Variants in PCDH15 observed in about 807,000 individuals in gnomAD.
PCDH15 encodes protocadherin-15.
PCDH15 carries 129 observed loss-of-function variants against 178.5 expected under a neutral mutation model. The ratio of observed to expected loss-of-function variants is 0.72; its 90% CI spans 0.63 to 0.84. PCDH15 has a LOEUF of 0.84. PCDH15 is among the 40% of genes least tolerant of loss of function. The probability of loss-of-function intolerance (pLI) is 0.00; values close to 1 mark genes in which losing one functional copy is unlikely to be tolerated. For missense variants in PCDH15, 2,230 were observed against 2,099.9 expected (o/e 1.06, Z -1.21); for synonymous variants, 800 against 732.0 (o/e 1.09, Z -1.50).
intron 5 of PCDH15, among the ~76,000 whole-genome samples, chr10:54,351,790 A>C (rs944031845): frequency 2.6e-5 from 4 of 152,196 alleles, no homozygotes; most frequent in African/African-American, 9.7e-5. Context: ...AAAAATATGT[A>C]GATTTCACTG....
chr10:54,597,220 CA>C (rs1228558901), intron 2 of PCDH15, among the ~76,000 whole-genome samples: 1 of 151,952 alleles, frequency 6.6e-6, no homozygotes, highest in African/African-American at 2.4e-5. Flanking sequence ...TCAGCAAATG[CA>C]AAAGAAACGA....
chr10:55,114,001 T>C (rs1459594053), intron 2 of PCDH15, among the ~76,000 whole-genome samples: 3 of 152,170 alleles, frequency 2.0e-5, no homozygotes, highest in Non-Finnish European at 4.4e-5. Flanking sequence ...CAGGCTGGAG[T>C]GCAGTGGCAC....
At chr10:55,161,028 T>G (rs1839051105) in intron 2 of PCDH15, among the ~76,000 whole-genome samples, 1 of 152,140 alleles carries the variant, frequency 6.6e-6, no homozygotes, top group Admixed American at 6.6e-5. Context: ...GTAGACACAT[T>G]CCTTGTCATT....
intron 2 of PCDH15, among the ~76,000 whole-genome samples, chr10:54,926,469 G>A (rs1837629996): frequency 6.6e-6 from 1 of 151,934 alleles, no homozygotes; most frequent in Non-Finnish European, 1.5e-5. Flanking sequence ...GGCTTCATTG[G>A]ATGAATTGGG....
chr10:54,412,202 A>T (rs116352767), intron 3 of PCDH15, among the ~76,000 whole-genome samples: 1,573 of 150,930 alleles, frequency 0.01, 30 homozygotes, highest in African/African-American at 0.034. Flanking sequence ...TGATAAAATT[A>T]AAAAATAAAT....
At chr10:54,635,496 T>C (rs1397802101) in intron 2 of PCDH15, among the ~76,000 whole-genome samples, 3 of 151,826 alleles carry the variant, frequency 2.0e-5, no homozygotes, top group Admixed American at 6.6e-5. Flanking sequence ...TTCTATTACA[T>C]GGAAATTGTG....
chr10:54,059,556 C>A (rs1482720841), intron 18 of PCDH15, among the ~76,000 whole-genome samples: 1 of 152,126 alleles, frequency 6.6e-6, no homozygotes, highest in African/African-American at 2.4e-5. Context: ...TTAGTATAAA[C>A]CAGAATCAAT....
At position 53,810,000 on chromosome 10, in the gene PCDH15, C is replaced by A. The variant is rs140500590; in HGVS notation, c.4671+556G>T. Among the ~76,000 whole-genome samples the A allele has an allele frequency of 3.9e-5, 6 of 152,120 alleles. No individual in the cohort carries two copies. The East Asian group carries it at 1.2e-3, about 29-fold the overall frequency. ...TTATGAAATTTTGCACATGTTAAAGCCACAGTGACATTTATTTCTTGTTAG... is the reference window on the plus strand; with the variant it reads ...TTATGAAATTTTGCACATGTTAAAGACACAGTGACATTTATTTCTTGTTAG... On this transcript the variant is annotated intron_variant, in intron 37 of 37. Transcript: ENST00000644397.
chr10:55,329,868 A>G (rs1288178017), intron 2 of PCDH15, among the ~76,000 whole-genome samples: 1 of 151,780 alleles, frequency 6.6e-6, no homozygotes, highest in Non-Finnish European at 1.5e-5. Flanking sequence ...ACACCTTCCC[A>G]AGACCTATTA....
chr10:55,259,156 G>A (rs1038294782), intron 1 of PCDH15, among the ~76,000 whole-genome samples: 1 of 152,076 alleles, frequency 6.6e-6, no homozygotes, highest in Non-Finnish European at 1.5e-5. Context: ...GGACCCAGAT[G>A]GTACCCCTGC....
chr10:55,234,097 T>G (rs577224732), intron 1 of PCDH15, among the ~76,000 whole-genome samples: 1 of 152,194 alleles, frequency 6.6e-6, no homozygotes, highest in African/African-American at 2.4e-5. Flanking sequence ...ATATACACCC[T>G]TCCCCTCTTG....
intron 9 of PCDH15, among the ~76,000 whole-genome samples, chr10:54,220,530 T>C (rs2052661373): frequency 6.6e-6 from 1 of 152,194 alleles, no homozygotes; most frequent in South Asian, 2.1e-4. Flanking sequence ...TTACAGAATA[T>C]CAACTCAACA....
chr10:54,382,026 T>C (rs1309540604), intron 3 of PCDH15, among the ~76,000 whole-genome samples: 1 of 152,134 alleles, frequency 6.6e-6, no homozygotes, highest in African/African-American at 2.4e-5. Context: ...CTTGTTCTCT[T>C]GTATTTAGAA....
chr10:53,926,487 A>T (rs2084565015), intron 25 of PCDH15, among the ~76,000 whole-genome samples: 1 of 152,230 alleles, frequency 6.6e-6, no homozygotes, highest in Non-Finnish European at 1.5e-5. Flanking sequence ...TAGTTCAAAC[A>T]GTTGCTTTAT....
intron 2 of PCDH15, among the ~76,000 whole-genome samples, chr10:55,522,389 A>T (rs976937767): frequency 6.6e-6 from 1 of 151,674 alleles, no homozygotes; most frequent in Non-Finnish European, 1.5e-5. Context: ...TGTCTGGATG[A>T]TCTATCCATT....
intron 7 of PCDH15, among the ~76,000 whole-genome samples, chr10:54,319,636 G>C (rs2061471621): frequency 1.3e-5 from 2 of 151,858 alleles, no homozygotes; most frequent in South Asian, 4.1e-4. Flanking sequence ...CCATTGAATT[G>C]TTCACTTTAA....
At chr10:54,047,368 T>TG (rs1320469312) in intron 18 of PCDH15, among the ~76,000 whole-genome samples, 2 of 137,878 alleles carry the variant, frequency 1.5e-5, no homozygotes, top group Non-Finnish European at 3.1e-5. Context: ...CTGTGTGTGG[T>TG]GGGGGGTGGG....
chr10:55,363,650 G>C (rs375238032), intron 2 of PCDH15, among the ~76,000 whole-genome samples: 10 of 151,836 alleles, frequency 6.6e-5, no homozygotes, highest in African/African-American at 1.2e-4. Flanking sequence ...GTTGGGATGT[G>C]GGGGGACGGA....
chr10:54,020,168 C>A (rs1173418224), intron 20 of PCDH15, 24 bp downstream of exon 20: 1 of 1,605,492 alleles, frequency 6.2e-7, no homozygotes, highest in Non-Finnish European at 8.5e-7. Context: ...AAGCAGGCAA[C>A]CAGAAGTCAT....
Sources: allele counts gnomAD v4.1 joint callset (sites outside exome capture counted in the v4.1 genomes callset), GRCh38; gene constraint gnomAD v4.1.1; transcripts MANE v1.5; gene names NCBI Gene and HGNC (gene_info 2026-07-23, HGNC 2026-07-21).